The following TRABD2B variants were observed in gnomAD, a reference collection of about 807,000 sequenced individuals.
The protein encoded by TRABD2B is metalloprotease TIKI2.
Under a neutral mutation model 40.1 loss-of-function variants are expected in TRABD2B, and 14 were observed. The observed-to-expected ratio is 0.35, with a 90% confidence interval of 0.23 to 0.55. The LOEUF is 0.55. Ranked by LOEUF, TRABD2B falls within the 20% of genes least tolerant of loss-of-function variation. The pLI, the probability that TRABD2B is intolerant of heterozygous loss-of-function variation, is 0.90. For missense variants in TRABD2B, 541 were observed against 648.6 expected (o/e 0.83, Z 1.80); for synonymous variants, 263 against 277.0 (o/e 0.95, Z 0.50).
At chr1:47,912,877 G>A (rs560161376) in intron 2 of TRABD2B, among the ~76,000 whole-genome samples, 3 of 152,290 alleles carry the variant, frequency 2.0e-5, no homozygotes, top group Admixed American at 6.5e-5. Context: ...GGGGAAGCCT[G>A]AGGCTCAGTG....
At chr1:47,953,820 G>C (rs1177144593) in intron 2 of TRABD2B, among the ~76,000 whole-genome samples, 1 of 152,082 alleles carries the variant, frequency 6.6e-6, no homozygotes, top group Non-Finnish European at 1.5e-5. Flanking sequence ...TGGCTGAGTG[G>C]GGGCTGAATC....
At chr1:47,828,888 G>C (rs960715765) in intron 2 of TRABD2B, among the ~76,000 whole-genome samples, 2 of 152,200 alleles carry the variant, frequency 1.3e-5, no homozygotes, top group Non-Finnish European at 2.9e-5. Flanking sequence ...CTATGACCCA[G>C]CCCCCTTCCC....
intron 4 of TRABD2B, among the ~76,000 whole-genome samples, chr1:47,792,226 C>T (rs1457599370): frequency 6.6e-6 from 1 of 152,216 alleles, no homozygotes; most frequent in Non-Finnish European, 1.5e-5. Flanking sequence ...AATTCACCAG[C>T]CCAGAGGAGA....
chr1:47,915,043 G>A (rs189329093), intron 2 of TRABD2B, among the ~76,000 whole-genome samples: 49 of 152,342 alleles, frequency 3.2e-4, no homozygotes, highest in Admixed American at 1.8e-3. Flanking sequence ...TCATTAACAA[G>A]GAGCAGAGGC....
At chr1:47,963,048 T>G (rs1397321086) in intron 2 of TRABD2B, among the ~76,000 whole-genome samples, 2 of 152,238 alleles carry the variant, frequency 1.3e-5, no homozygotes, top group African/African-American at 4.8e-5. Flanking sequence ...ATTCATTCAC[T>G]AAATATTAAT....
intron 2 of TRABD2B, among the ~76,000 whole-genome samples, chr1:47,947,468 C>G (rs141427127): frequency 1.9e-4 from 29 of 152,192 alleles, no homozygotes; most frequent in African/African-American, 6.3e-4. Context: ...TCATACAAAG[C>G]AGCTTTGCAG....
intron 5 of TRABD2B, among the ~76,000 whole-genome samples, chr1:47,777,484 G>A (rs1644463084): frequency 1.3e-5 from 2 of 152,232 alleles, no homozygotes; most frequent in South Asian, 4.1e-4. Flanking sequence ...GTTCAGGGAG[G>A]CCCTGGAGCC....
At chr1:47,884,598 A>G (rs1440099271) in intron 2 of TRABD2B, among the ~76,000 whole-genome samples, 1 of 152,026 alleles carries the variant, frequency 6.6e-6, no homozygotes, top group East Asian at 1.9e-4. Context: ...AGCCAGGGTC[A>G]TCTTTTTATT....
At chr1:47,959,636 C>T (rs1042160360) in intron 2 of TRABD2B, among the ~76,000 whole-genome samples, 11 of 152,314 alleles carry the variant, frequency 7.2e-5, no homozygotes, top group Middle Eastern at 3.4e-3. Flanking sequence ...TTCCTGGACA[C>T]ATACACCCTC....
intron 4 of TRABD2B, among the ~76,000 whole-genome samples, chr1:47,781,385 A>T (rs1644519817): frequency 6.6e-6 from 1 of 152,200 alleles, no homozygotes; most frequent in African/African-American, 2.4e-5. Flanking sequence ...CGGCTGCTCC[A>T]AGAGGAGCGT....
At chr1:47,852,411 C>T (rs1017959561) in intron 2 of TRABD2B, among the ~76,000 whole-genome samples, 6 of 152,196 alleles carry the variant, frequency 3.9e-5, no homozygotes, top group African/African-American at 1.4e-4. Flanking sequence ...ACTTCCTGAC[C>T]CACTATGGGA....
chr1:47,771,036 G>C (rs1446296611), intron 6 of TRABD2B, among the ~76,000 whole-genome samples: 1 of 152,200 alleles, frequency 6.6e-6, no homozygotes, highest in African/African-American at 2.4e-5. Flanking sequence ...TTCATTGGAT[G>C]ATCCTGCTTC....
chr1:47,941,477 C>A (rs1043168894), intron 2 of TRABD2B, among the ~76,000 whole-genome samples: 6 of 152,200 alleles, frequency 3.9e-5, no homozygotes, highest in African/African-American at 9.6e-5. Flanking sequence ...CACTTACCCA[C>A]AAAAATGCAC....
chr1:47,934,439 G>A (rs910095927), intron 2 of TRABD2B, among the ~76,000 whole-genome samples: 1 of 152,252 alleles, frequency 6.6e-6, no homozygotes, highest in African/African-American at 2.4e-5. Context: ...ACTCACAGAC[G>A]TCTGGGGGCA....
rs534017515 is a variant in TRABD2B at position 47,940,035 on chromosome 1, C to A, written c.666+53999G>T. On this transcript the variant is annotated intron_variant, in intron 2 of 6. Coordinates refer to ENST00000606738, the MANE Select transcript of TRABD2B (RefSeq NM_001194986.2). ...ATCTGGCTCCAACCGAATTTCCTAG[C>A]CTTCCGTTCCCCACCATCCCTGATG... Among the ~76,000 whole-genome samples the A allele has an allele frequency of 3.6e-3, 546 of 152,330 alleles. 4 individuals carry two copies. The highest frequency in any genetic ancestry group is 6.1e-3 in the Non-Finnish European group (413 of 68,030).
At chr1:47,930,260 T>C (rs1645022549) in intron 2 of TRABD2B, among the ~76,000 whole-genome samples, 1 of 152,238 alleles carries the variant, frequency 6.6e-6, no homozygotes, top group South Asian at 2.1e-4. Flanking sequence ...AGGTGATTTA[T>C]GAGGGAAATC....
chr1:47,994,684 G>A lies in TRABD2B; in HGVS notation c.103-87C>T. Reference sequence around the variant, plus strand: ...GCCCAGAGGCACGTTGCAGAGGGAGGTGGGGATGGGAGGCAGAGACCATAC... The same window carrying A: ...GCCCAGAGGCACGTTGCAGAGGGAGATGGGGATGGGAGGCAGAGACCATAC... On this transcript the variant is annotated intron_variant, in intron 1 of 6. Coordinates refer to ENST00000606738, the MANE Select transcript of TRABD2B (RefSeq NM_001194986.2). The surrounding 1 kb of genome is among the most constrained non-coding windows in gnomAD (Gnocchi z 6.7). The A allele has an allele frequency of 3.2e-6, 4 of 1,232,774 alleles. No individual in the cohort carries two copies. The highest frequency in any genetic ancestry group is 4.4e-6 in the Non-Finnish European group (4 of 898,894). 76.4% of individuals were successfully genotyped at this position (1,232,774 alleles called of 1,614,324 possible). A position where few individuals can be genotyped will look rare whatever the true frequency, so the allele number is the denominator to read the frequency against.
At chr1:47,797,866 G>A (rs1472916668) in intron 3 of TRABD2B, among the ~76,000 whole-genome samples, 4 of 152,196 alleles carry the variant, frequency 2.6e-5, no homozygotes, top group African/African-American at 9.7e-5. Flanking sequence ...GGGGTGATGA[G>A]GTGATTGGTT....
chr1:47,852,522 C>T (rs543440070), intron 2 of TRABD2B, among the ~76,000 whole-genome samples: 1 of 152,326 alleles, frequency 6.6e-6, no homozygotes, highest in East Asian at 1.9e-4. Context: ...GCCTTCCCTG[C>T]AGCCCACCAG....
Sources: gnomAD v4.1 joint callset for allele counts (sites outside exome capture counted in the v4.1 genomes callset) on GRCh38, gnomAD v4.1.1 for gene constraint, Gnocchi (gnomAD v3.1) non-coding constraint, MANE v1.5 for transcripts, NCBI Gene and HGNC (gene_info 2026-07-23, HGNC 2026-07-21) for gene names.